PHYKPL: variants seen among roughly 807,000 people sequenced by gnomAD.
PHYKPL encodes 5-phosphohydroxy-L-lysine phospho-lyase, also known as 5-phosphonooxy-L-lysine phospho-lyase.
Under a neutral mutation model 51.3 loss-of-function variants are expected in PHYKPL, and 42 were observed. The ratio of observed to expected loss-of-function variants is 0.82; its 90% CI spans 0.64 to 1.06. PHYKPL has a LOEUF of 1.06. Among genes scored for constraint, PHYKPL ranks in the 50% least tolerant of loss-of-function variants. The probability of loss-of-function intolerance (pLI) is 0.00; values close to 1 mark genes in which losing one functional copy is unlikely to be tolerated. For synonymous variants in PHYKPL, 264 were observed against 236.0 expected (o/e 1.12, Z -1.09); for missense variants, 655 against 586.6 (o/e 1.12, Z -1.20).
intron 7 of PHYKPL, 101 bp downstream of exon 7, chr5:178,222,751 T>A (rs1761432601): frequency 7.0e-7 from 1 of 1,422,366 alleles, no homozygotes; most frequent in Non-Finnish European, 9.7e-7. Context: ...GTCTCAAAAT[T>A]CTGGCAGTCA....
In PHYKPL at chr5:178,232,512, G is replaced by A. The variant is rs773459809; in HGVS notation, c.39C>T (p.Ala13=). The A allele has an allele frequency of 7.5e-7, 1 of 1,340,866 alleles. No homozygotes were observed. The highest frequency in any genetic ancestry group is 9.5e-7 in the Non-Finnish European group (1 of 1,054,422). The allele number at this position is 1,340,866 out of a possible 1,614,324, so 83.1% of individuals were successfully genotyped here. ...ADQRPKADTL[A]LRQRLISSSC... is the part of the protein sequence containing the mutation. ...GGTACCTGATGAGCCGTTGCCTCAG[G>A]GCCAGCGTGTCGGCCTTCGGGCGCT... Residue 13 remains alanine, a synonymous_variant, in exon 1 of 13, where the codon GCC becomes GCT. Coordinates refer to ENST00000308158, the MANE Select transcript of PHYKPL (RefSeq NM_153373.4).
rs535753024 is a variant in PHYKPL at position 178,220,894 on chromosome 5, C to A, written c.927+1461G>T. ...GTGATATGTTAGTAGAAAAAAAAAT[C>A]CCCAGAGTATATACAGCATGATAGA... On this transcript the variant is annotated intron_variant, in intron 8 of 12. Coordinates refer to ENST00000308158, the MANE Select transcript of PHYKPL (RefSeq NM_153373.4). Among the ~76,000 whole-genome samples the A allele has an allele frequency of 3.9e-5, 6 of 152,100 alleles. No homozygotes were observed. In the South Asian group the frequency reaches 1.0e-3, roughly 26 times the overall value.
intron 8 of PHYKPL, chr5:178,216,354 G>A (rs1013567439): frequency 1.3e-5 from 2 of 152,184 alleles, no homozygotes; most frequent in African/African-American, 2.4e-5. Flanking sequence ...TTGAGCCTCT[G>A]CAGAATGAGG....
rs1169120875 is a variant in PHYKPL, at chr5:178,231,733, C to T, written c.60-210G>A. On this transcript the variant is annotated intron_variant, in intron 1 of 12. Transcript: ENST00000308158. Reference sequence around the variant, plus strand: ...CAGATGGGGTAACAAGTCGCTGAAACTTCGGATTGTTTCTGAAAGCATTTT... The same window carrying T: ...CAGATGGGGTAACAAGTCGCTGAAATTTCGGATTGTTTCTGAAAGCATTTT... 2.0e-6 allele frequency: 3 copies of T among 1,527,722 alleles called. No homozygotes were observed. In the Middle Eastern group the frequency reaches 5.1e-4, roughly 261 times the overall value. The allele number at this position is 1,527,722 out of a possible 1,614,324, so 94.6% of individuals were successfully genotyped here. A position where few individuals can be genotyped will look rare whatever the true frequency, so the allele number is the denominator to read the frequency against.
Position 178,215,449 on chromosome 5 carries a change from A to G in PHYKPL, c.928-19T>C, listed in dbSNP as rs1314650333. 6.3e-7 allele frequency: 1 copy of G among 1,599,862 alleles called. No individual in the cohort carries two copies. The highest frequency in any genetic ancestry group is 8.5e-7 in the Non-Finnish European group (1 of 1,171,762). The stretch of plus-strand genomic sequence containing the variant: ...CCCCAAACTGAGCCAGGGACAAAGA[A>G]CATGTCAGATGCCCTGGCAGAGTGG... On this transcript the variant is annotated intron_variant, in intron 8 of 12. Transcript: ENST00000308158.
intron 3 of PHYKPL, among the ~76,000 whole-genome samples, chr5:178,227,031 A>G (rs2113991625): frequency 6.6e-6 from 1 of 152,284 alleles, no homozygotes; most frequent in East Asian, 1.9e-4. Flanking sequence ...TGGGAGAGCG[A>G]GCCAGAGGGG....
chr5:178,231,845 G>A (rs1006993697), intron 1 of PHYKPL: 215 of 1,347,638 alleles, frequency 1.6e-4, no homozygotes, highest in African/African-American at 3.7e-4. Context: ...CCGTCCCATG[G>A]GGACTCCATA....
chr5:178,232,410 G>A, intron 1 of PHYKPL, 82 bp downstream of exon 1: 2 of 1,332,468 alleles, frequency 1.5e-6, no homozygotes, highest in South Asian at 1.9e-5. Context: ...CGCGTGCGTA[G>A]TGCGTGCGTG....
chr5:178,211,697 T>C (rs1019321984), intron 12 of PHYKPL, 193 bp downstream of exon 12: 53 of 584,874 alleles, frequency 9.1e-5, no homozygotes, highest in Non-Finnish European at 1.4e-4. Context: ...AGGGAGGATA[T>C]AGCTGTTCCT....
chr5:178,228,479 C>G, intron 3 of PHYKPL: 1 of 698,598 alleles, frequency 1.4e-6, no homozygotes, highest in South Asian at 1.5e-5. Flanking sequence ...AATGCCCCTC[C>G]TCCACCACCA....
chr5:178,230,829 AG>A (rs1446189935), intron 2 of PHYKPL: 1 of 154,938 alleles, frequency 6.5e-6, no homozygotes, highest in East Asian at 1.9e-4. Context: ...AAGCAAACTG[AG>A]GCACTGAGAA....
At chr5:178,210,182 T>C (rs1757766759) in intron 12 of PHYKPL, 1 of 1,613,580 alleles carries the variant, frequency 6.2e-7, no homozygotes, top group Admixed American at 1.7e-5. Context: ...GAACCAGGGC[T>C]ACGGCTACCA....
Position 178,224,691 on chromosome 5 carries a change from C to T in PHYKPL, c.452G>A (p.Ser151Asn), listed in dbSNP as rs1761937756. Reference sequence around the variant, plus strand: ...ATCCAGGTTGCGGAACTTGTAGGGACTGATGTCAATCAGGGAGCTCAGGTG... The same window carrying T: ...ATCCAGGTTGCGGAACTTGTAGGGATTGATGTCAATCAGGGAGCTCAGGTG... ...HGHLSSLIDISPYKFRNLDGQ... is the reference protein window; with the variant it reads ...HGHLSSLIDINPYKFRNLDGQ... Residue 151 changes from serine to asparagine, a missense_variant, in exon 5 of 13, where the codon AGT becomes AAT. By Grantham distance (46) the Ser-to-Asn change is conservative. Coordinates refer to ENST00000308158, the MANE Select transcript of PHYKPL (RefSeq NM_153373.4). 5 of 1,614,198 alleles carry T rather than the reference C, an allele frequency of 3.1e-6. No homozygotes were observed. The highest frequency in any genetic ancestry group is 4.2e-6 in the Non-Finnish European group (5 of 1,180,038).
At chr5:178,229,237 T>C (rs1266549365) in intron 3 of PHYKPL, among the ~76,000 whole-genome samples, 2 of 151,872 alleles carry the variant, frequency 1.3e-5, no homozygotes, top group African/African-American at 2.4e-5. Context: ...TCCTGAGTAG[T>C]TGGGATTACA....
chr5:178,231,857 GGCCGC>G (rs2127502274), intron 1 of PHYKPL: 1 of 1,337,886 alleles, frequency 7.5e-7, no homozygotes, highest in Admixed American at 2.2e-5. Context: ...GACTCCATAA[GGCCGC>G]GTGTCTTCGA....
chr5:178,230,402 C>T, intron 2 of PHYKPL: 1 of 335,122 alleles, frequency 3.0e-6, no homozygotes, highest in South Asian at 3.2e-5. Context: ...GTCACCCAGG[C>T]TGGAGTGTAT....
At position 178,211,957 on chromosome 5, in the gene PHYKPL, C is replaced by T. The variant is rs746175141; in HGVS notation, c.1317G>A (p.Lys439=). ...LDAILTDMEE[K]VRSCETLRLQ... The stretch of plus-strand genomic sequence containing the variant: ...GCCTCAGCGTTTCACAACTTCTCAC[C>T]TTCTCTTCCATGTCTGAAAAAGACC... The change falls in exon 12 of 13, where the codon AAG becomes AAA. Residue 439 remains lysine, a synonymous_variant. Coordinates refer to ENST00000308158, the MANE Select transcript of PHYKPL (RefSeq NM_153373.4). 33 of 1,614,050 alleles carry T rather than the reference C, an allele frequency of 2.0e-5. No homozygotes were observed. In the East Asian group the frequency reaches 2.9e-4, roughly 14 times the overall value.
intron 11 of PHYKPL, among the ~76,000 whole-genome samples, chr5:178,212,475 C>T (rs1758756793): frequency 6.6e-6 from 1 of 152,200 alleles, no homozygotes; most frequent in African/African-American, 2.4e-5. Flanking sequence ...TAGGGGGAAC[C>T]CTGGGTTGAC....
intron 12 of PHYKPL, chr5:178,210,558 G>A: frequency 1.2e-6 from 2 of 1,614,032 alleles, no homozygotes; most frequent in Non-Finnish European, 8.5e-7. Context: ...CCTAGGTCAG[G>A]GTAGTACAAA....
Sources: gnomAD v4.1 joint callset for allele counts (sites outside exome capture counted in the v4.1 genomes callset) on GRCh38, gnomAD v4.1.1 for gene constraint, MANE v1.5 for transcripts, NCBI Gene and HGNC (gene_info 2026-07-23, HGNC 2026-07-21) for gene names.